Variants in FSHR observed in about 807,000 individuals in gnomAD.
FSHR encodes follicle stimulating hormone receptor, also known as follicle-stimulating hormone receptor.
In FSHR, 46 loss-of-function variants were observed where a neutral mutation model predicts 52.1. That is an observed-to-expected ratio of 0.88 (90% CI 0.70 to 1.13). The LOEUF (loss-of-function observed/expected upper bound fraction) is 1.13, where lower values mean the gene tolerates loss of function less well. Ranked by LOEUF, FSHR falls within the 50% of genes most tolerant of loss-of-function variation. FSHR has a pLI of 0.00. For synonymous variants in FSHR, 399 were observed against 309.6 expected (o/e 1.29, Z -3.03); for missense variants, 964 against 834.6 (o/e 1.16, Z -1.91).
rs115727808 is a variant in FSHR at position 48,991,652 on chromosome 2, C to T, written c.375-1015G>A. 2.8e-3 allele frequency among the ~76,000 whole-genome samples: 423 copies of T among 152,298 alleles called. 2 individuals are homozygous for T. Among genetic ancestry groups the T allele is most frequent in the African/African-American group, 9.9e-3 (413 of 41,554 alleles). ...CTAGGCCAGGTGTTGTCCAGTTGCA[C>T]TTGAGTGAAGCTGGATGAAATGTGG... On this transcript the variant is annotated intron_variant, in intron 4 of 9. Transcript: ENST00000406846.
At chr2:49,019,928 G>A (rs903475817) in intron 3 of FSHR, among the ~76,000 whole-genome samples, 158 bp downstream of exon 3, 1 of 152,216 alleles carries the variant, frequency 6.6e-6, no homozygotes, top group East Asian at 1.9e-4. Flanking sequence ...ACCAGATAGA[G>A]ACACATTACA....
chr2:48,963,703 C>T lies in FSHR; in HGVS notation c.1118G>A (p.Ser373Asn), dbSNP rs747914737. The change falls in exon 10 of 10, where the codon AGC becomes AAC. Residue 373 changes from serine to asparagine, a missense_variant. Physicochemically the swap from Ser to Asn is conservative, Grantham distance 46 (BLOSUM62 1). Transcript: ENST00000406846. ...GATGTTCCCAGTGATGGCCAGGATG[C>T]TGATAAACCATATCAGGACTCTGAG... ...NILRVLIWFI[S>N]ILAITGNIIV... 3 of 1,614,046 alleles carry T rather than the reference C, an allele frequency of 1.9e-6. No individual in the cohort carries two copies. The highest frequency in any genetic ancestry group is 2.5e-6 in the Non-Finnish European group (3 of 1,180,030).
chr2:48,980,051 C>G lies in FSHR; in HGVS notation c.668+2861G>C, dbSNP rs552510444. Among the ~76,000 whole-genome samples, 4 of 152,276 alleles carry G rather than the reference C, an allele frequency of 2.6e-5. No homozygotes were observed. In the East Asian group the frequency reaches 7.7e-4, roughly 29 times the overall value. On this transcript the variant is annotated intron_variant, in intron 8 of 9. Transcript: ENST00000406846. ...GTGAGATGTGGAATAAGCTATTAGT[C>G]TTCTTGCATCTCAGGTCAGCAGGGG...
intron 2 of FSHR, among the ~76,000 whole-genome samples, chr2:49,040,123 G>A (rs976293085): frequency 6.6e-6 from 1 of 152,158 alleles, no homozygotes; most frequent in Non-Finnish European, 1.5e-5. Flanking sequence ...GTGAAACAAC[G>A]TATATACTGG....
Position 49,098,818 on chromosome 2 carries a change from ATAT to A in FSHR, c.153-30531_153-30529del, listed in dbSNP as rs577633852. Among the ~76,000 whole-genome samples, 427 of 146,544 alleles carry A rather than the reference ATAT, an allele frequency of 2.9e-3. 2 individuals are homozygous for A. Among genetic ancestry groups the A allele is most frequent in the African/African-American group, 1.0e-2 (402 of 40,302 alleles). ...ATATATTTATAATATGTATACTTATATATTATTATATATTATATATTATATTAT... is the reference window on the plus strand; with the variant it reads ...ATATATTTATAATATGTATACTTATATATTATATATTATATATTATATTAT... On this transcript the variant is annotated intron_variant, in intron 1 of 9. Transcript: ENST00000406846.
chr2:49,049,734 G>A (rs957986747), intron 2 of FSHR, among the ~76,000 whole-genome samples: 2 of 151,862 alleles, frequency 1.3e-5, no homozygotes, highest in Non-Finnish European at 2.9e-5. Context: ...GGTGTGAAGA[G>A]TTATTATGAG....
chr2:49,036,700 C>T (rs1202200444), intron 2 of FSHR, among the ~76,000 whole-genome samples: 1 of 152,064 alleles, frequency 6.6e-6, no homozygotes, highest in Non-Finnish European at 1.5e-5. Flanking sequence ...ATAATCTAAA[C>T]TATGTCTTTT....
chr2:49,034,379 C>T (rs1376019401), intron 2 of FSHR, among the ~76,000 whole-genome samples: 1 of 152,178 alleles, frequency 6.6e-6, no homozygotes, highest in Admixed American at 6.5e-5. Flanking sequence ...GGTTAACTTC[C>T]CCAAATCTCC....
intron 2 of FSHR, among the ~76,000 whole-genome samples, chr2:49,053,635 C>A (rs1668950619): frequency 6.6e-6 from 1 of 152,076 alleles, no homozygotes; most frequent in African/African-American, 2.4e-5. Context: ...AAAGCTAAGG[C>A]ATGAACAGTG....
At position 49,021,605 on chromosome 2, in the gene FSHR, T is replaced by C. The variant is rs11897710; in HGVS notation, c.225-1445A>G. Among the ~76,000 whole-genome samples the C allele has an allele frequency of 1.7e-3, 260 of 151,884 alleles. 2 individuals are homozygous for C. The highest frequency in any genetic ancestry group is 6.1e-3 in the African/African-American group (253 of 41,446). On this transcript the variant is annotated intron_variant, in intron 2 of 9. Transcript: ENST00000406846. Reference sequence around the variant, plus strand: ...AGTGTGACTGTGAGCAGCAGCAGTCTGCTGGTGCATCTGTGACTGGTGCAT... The same window carrying C: ...AGTGTGACTGTGAGCAGCAGCAGTCCGCTGGTGCATCTGTGACTGGTGCAT...
chr2:48,998,002 T>C (rs1011200881), intron 4 of FSHR, among the ~76,000 whole-genome samples: 1 of 152,124 alleles, frequency 6.6e-6, no homozygotes, highest in African/African-American at 2.4e-5. Flanking sequence ...TTTACCTTTT[T>C]ACCTGTCTGA....
intron 8 of FSHR, among the ~76,000 whole-genome samples, chr2:48,978,948 T>G (rs1675114611): frequency 6.6e-6 from 1 of 152,192 alleles, no homozygotes. Flanking sequence ...GAAAAAGGAC[T>G]GAGCCAGTGA....
chr2:48,963,075 G>C lies in FSHR; in HGVS notation c.1746C>G (p.Phe582Leu). 3.1e-6 allele frequency: 5 copies of C among 1,614,064 alleles called. No individual in the cohort carries two copies. The South Asian group carries it at 5.5e-5, about 18-fold the overall frequency. ...AGAAAGAAATGGGTGCCATGCAGAG[G>C]AAGTCAGTGAAGATGAGCATGGCCA... ...KRMAMLIFTD[F>L]LCMAPISFFA... Residue 582 changes from phenylalanine to leucine, a missense_variant, in exon 10 of 10, where the codon TTC (phenylalanine) becomes TTG (leucine). Transcript: ENST00000406846.
chr2:48,966,138 G>T (rs899703460), intron 9 of FSHR, among the ~76,000 whole-genome samples: 1 of 152,140 alleles, frequency 6.6e-6, no homozygotes, highest in African/African-American at 2.4e-5. Flanking sequence ...TTACCATTGT[G>T]GGAATTAAAT....
chr2:48,991,887 A>G (rs560500466), intron 4 of FSHR, among the ~76,000 whole-genome samples: 33 of 152,224 alleles, frequency 2.2e-4, no homozygotes, highest in African/African-American at 7.5e-4. Context: ...ATTGATATAT[A>G]TTAATCATTG....
intron 4 of FSHR, among the ~76,000 whole-genome samples, chr2:49,004,615 A>G (rs1559124996): frequency 6.6e-6 from 1 of 152,178 alleles, no homozygotes; most frequent in Non-Finnish European, 1.5e-5. Flanking sequence ...AGCCTCTTGA[A>G]GCATATTTTG....
At chr2:49,084,053 C>G (rs1232160548) in intron 1 of FSHR, among the ~76,000 whole-genome samples, 1 of 151,694 alleles carries the variant, frequency 6.6e-6, no homozygotes, top group Non-Finnish European at 1.5e-5. Context: ...TTTTTTTCAG[C>G]ACCACACCAC....
rs1169480124 is a variant in FSHR, at chr2:49,144,654, G to C, written c.152+9612C>G. ...ATGTCCTCTCCAATGTATTTACTTAGAGAAATGCTGCACTGCTTGCCCACA... is the reference window on the plus strand; with the variant it reads ...ATGTCCTCTCCAATGTATTTACTTACAGAAATGCTGCACTGCTTGCCCACA... On this transcript the variant is annotated intron_variant, in intron 1 of 9. Coordinates refer to ENST00000406846, the MANE Select transcript of FSHR (RefSeq NM_000145.4). Among the ~76,000 whole-genome samples the C allele has an allele frequency of 2.0e-5, 3 of 150,412 alleles. No individual in the cohort carries two copies. In the Admixed American group the frequency reaches 2.0e-4, roughly 10 times the overall value.
intron 1 of FSHR, among the ~76,000 whole-genome samples, chr2:49,097,608 A>G (rs1302128601): frequency 2.0e-5 from 3 of 152,186 alleles, no homozygotes; most frequent in African/African-American, 7.2e-5. Flanking sequence ...TGAATGAAGA[A>G]CCAACTTGGA....
Sources: gnomAD v4.1 joint callset for allele counts (sites outside exome capture counted in the v4.1 genomes callset) on GRCh38, gnomAD v4.1.1 for gene constraint, MANE v1.5 for transcripts, NCBI Gene and HGNC (gene_info 2026-07-23, HGNC 2026-07-21) for gene names.